The following KDELR2 variants were observed in gnomAD, a reference collection of about 807,000 sequenced individuals.
The protein encoded by KDELR2 is ER lumen protein-retaining receptor 2.
KDELR2 carries 15 observed loss-of-function variants against 23.9 expected under a neutral mutation model. That is an observed-to-expected ratio of 0.63 (90% CI 0.42 to 0.97). KDELR2 has a LOEUF of 0.97. Among genes scored for constraint, KDELR2 ranks in the 50% least tolerant of loss-of-function variants. The pLI is 0.00. For missense variants in KDELR2, 272 were observed against 254.6 expected, an observed-to-expected ratio of 1.07 and a Z score of -0.46; for synonymous variants, 119 against 106.2, an observed-to-expected ratio of 1.12 and a Z score of -0.74.
At position 6,483,992 on chromosome 7, in the gene KDELR2, C is replaced by A. The variant is rs758612232; in HGVS notation, c.66G>T (p.Lys22Asn). 3.7e-5 allele frequency: 56 copies of A among 1,531,982 alleles called. No individual in the cohort carries two copies. The highest frequency in any genetic ancestry group is 3.9e-5 in the Non-Finnish European group (44 of 1,137,428). 94.9% of individuals were successfully genotyped at this position (1,531,982 alleles called of 1,614,324 possible). The stretch of plus-strand genomic sequence containing the variant: ...CGGCGCAGGAGCGCGTCTTCCAGAT[C>A]TTCAGCAGCAGGATGACGATGGCCG... ...HLAAIVILLL[K>N]IWKTRSCAGI... The change falls in exon 1 of 5, where the codon AAG becomes AAT. Residue 22 changes from lysine (K) to asparagine (N), a missense_variant. Transcript: ENST00000258739.
Position 6,477,167 on chromosome 7 carries a change from G to A in KDELR2, c.92-2883C>T, listed in dbSNP as rs114385476. Among the ~76,000 whole-genome samples the A allele has an allele frequency of 1.0e-3, 154 of 152,338 alleles. 1 individual carries two copies. The highest frequency in any genetic ancestry group is 3.6e-3 in the African/African-American group (151 of 41,574). ...TAGCTAGAGGGTGAGAGAGCCCCAGGTGCGCACAGGGCAGTGTGTGGTTTG... is the reference window on the plus strand; with the variant it reads ...TAGCTAGAGGGTGAGAGAGCCCCAGATGCGCACAGGGCAGTGTGTGGTTTG... On this transcript the variant is annotated intron_variant, in intron 1 of 4. Coordinates refer to ENST00000258739, the MANE Select transcript of KDELR2 (RefSeq NM_006854.4).
chr7:6,471,533 C>T (rs11766121), intron 2 of KDELR2, among the ~76,000 whole-genome samples: 134,107 of 152,094 alleles, frequency 0.88, 59,593 homozygotes, highest in Non-Finnish European at 0.92. Context: ...CGGAAATATG[C>T]TGTAGGAACT....
chr7:6,473,786 G>C (rs1252522567), intron 2 of KDELR2, among the ~76,000 whole-genome samples: 1 of 152,176 alleles, frequency 6.6e-6, no homozygotes, highest in Non-Finnish European at 1.5e-5. Context: ...CTGCAACTAG[G>C]AGTCCTGCTT....
rs534728547 is a variant in KDELR2 at position 6,479,817 on chromosome 7, A to C, written c.91+4150T>G. Among the ~76,000 whole-genome samples the C allele has an allele frequency of 5.2e-4, 79 of 152,316 alleles. No homozygotes were observed. The South Asian group carries it at 0.016, about 30-fold the overall frequency. On this transcript the variant is annotated intron_variant, in intron 1 of 4. Coordinates refer to ENST00000258739, the MANE Select transcript of KDELR2 (RefSeq NM_006854.4). ...TAATAGCTACAAGCTGCTGCTCTGA[A>C]TTGTGTGCCAGTGCCTTGCACATAG... is the stretch of plus-strand genomic sequence containing the variant.
intron 1 of KDELR2, among the ~76,000 whole-genome samples, chr7:6,483,667 C>T (rs12113832): frequency 9.2e-5 from 14 of 152,228 alleles, no homozygotes; most frequent in Non-Finnish European, 1.6e-4. Flanking sequence ...TCGGACCCCC[C>T]GTCCCACGCC....
rs1308183066 is a variant in KDELR2 at position 6,466,080 on chromosome 7, T to A, written c.595A>T (p.Ile199Phe). 3 of 1,613,888 alleles carry A rather than the reference T, an allele frequency of 1.9e-6. No homozygotes were observed. Among genetic ancestry groups the A allele is most frequent in the Non-Finnish European group, 2.5e-6 (3 of 1,179,996 alleles). ...ILYCDFFYLY[I>F]TKVLKGKKLS... ...GTCGCACCCAACATACCTTTTGTAA[T>A]GTACAAGTAGAAGAAGTCACAGTAT... The change falls in exon 4 of 5, where the codon ATT becomes TTT. Residue 199 changes from isoleucine to phenylalanine, a missense_variant. By Grantham distance (21) the Ile-to-Phe change is conservative (BLOSUM62 0). Transcript: ENST00000258739.
intron 3 of KDELR2, among the ~76,000 whole-genome samples, chr7:6,468,770 C>T (rs1265130017): frequency 2.0e-5 from 3 of 152,264 alleles, no homozygotes; most frequent in African/African-American, 4.8e-5. Flanking sequence ...TCCCAAAGTG[C>T]TGGGATTACA....
chr7:6,478,608 T>C (rs1281159738), intron 1 of KDELR2, among the ~76,000 whole-genome samples: 1 of 152,158 alleles, frequency 6.6e-6, no homozygotes, highest in South Asian at 2.1e-4. Flanking sequence ...TTAGGTATAT[T>C]ACAGATTATT....
intron 4 of KDELR2, among the ~76,000 whole-genome samples, chr7:6,465,181 CTTTTTTT>C (rs1211865175): frequency 1.5e-5 from 2 of 134,170 alleles, no homozygotes; most frequent in Non-Finnish European, 3.2e-5. Context: ...GCGTAAATAT[CTTTTTTT>C]TTTTTTTTTT....
At chr7:6,482,619 G>C (rs1462784494) in intron 1 of KDELR2, 1 of 467,466 alleles carries the variant, frequency 2.1e-6, no homozygotes, top group African/African-American at 2.0e-5. Flanking sequence ...AGATGTAAGT[G>C]TGACTTTAGA....
chr7:6,484,131 G>A lies in KDELR2; in HGVS notation c.-74C>T, dbSNP rs534409280. 30 of 1,160,294 alleles carry A rather than the reference G, an allele frequency of 2.6e-5. No homozygotes were observed. The East Asian group carries it at 2.8e-4, about 11-fold the overall frequency. The allele number at this position is 1,160,294 out of a possible 1,614,324, so 71.9% of individuals were successfully genotyped here. ...GGCGGCTCAGGAGGCGGCGGCCCCT[G>A]AGAGGAAGCGGCGAAGATGGCGAGA... On this transcript the variant is annotated 5_prime_UTR_variant, in exon 1 of 5. Transcript: ENST00000258739.
rs1398395888 is a variant in KDELR2 at position 6,461,096 on chromosome 7, C to T, written c.*2045G>A. 3 of 152,140 alleles carry T rather than the reference C, an allele frequency of 2.0e-5. No homozygotes were observed. The highest frequency in any genetic ancestry group is 7.2e-5 in the African/African-American group (3 of 41,426). 9.4% of individuals were successfully genotyped at this position (152,140 alleles called of 1,614,324 possible). The stretch of plus-strand genomic sequence containing the variant: ...AACACCTCAATAAAAATATTAATTA[C>T]CTGGTAACCTTTATTCGGGAAGTGA... On this transcript the variant is annotated 3_prime_UTR_variant, in exon 5 of 5. Transcript: ENST00000258739.
intron 3 of KDELR2, among the ~76,000 whole-genome samples, chr7:6,467,169 G>A (rs1785520118): frequency 6.6e-6 from 1 of 152,176 alleles, no homozygotes; most frequent in African/African-American, 2.4e-5. Context: ...GGTTTCTCCT[G>A]GACAAGCTTG....
intron 2 of KDELR2, among the ~76,000 whole-genome samples, chr7:6,473,452 G>C (rs1785693985): frequency 6.6e-6 from 1 of 152,158 alleles, no homozygotes; most frequent in African/African-American, 2.4e-5. Context: ...ACTTCCCCCA[G>C]TGTGGGGTGT....
chr7:6,469,145 G>T (rs909909704), intron 3 of KDELR2, among the ~76,000 whole-genome samples: 31 of 151,100 alleles, frequency 2.1e-4, no homozygotes, highest in Non-Finnish European at 4.0e-4. Flanking sequence ...GTACAGACGG[G>T]GTTTCACCAT....
intron 1 of KDELR2, among the ~76,000 whole-genome samples, chr7:6,479,472 T>G (rs1785837776): frequency 6.6e-6 from 1 of 151,412 alleles, no homozygotes; most frequent in Non-Finnish European, 1.5e-5. Context: ...AAAACTTTTT[T>G]TTTGTTTGTT....
intron 1 of KDELR2, among the ~76,000 whole-genome samples, chr7:6,481,055 C>A (rs1191688900): frequency 6.6e-6 from 1 of 152,128 alleles, no homozygotes; most frequent in Non-Finnish European, 1.5e-5. Flanking sequence ...TCCTGAATCT[C>A]TCAAATGAAA....
At chr7:6,469,375 C>T (rs1190924480) in intron 3 of KDELR2, among the ~76,000 whole-genome samples, 1 of 152,186 alleles carries the variant, frequency 6.6e-6, no homozygotes, top group East Asian at 1.9e-4. Context: ...CCTGCCTCAG[C>T]CTTCTGAGTA....
chr7:6,479,380 C>T (rs1785834904), intron 1 of KDELR2, among the ~76,000 whole-genome samples: 1 of 152,002 alleles, frequency 6.6e-6, no homozygotes. Flanking sequence ...GTTTTGAACT[C>T]CTGTGCTCAA....
Sources: allele counts gnomAD v4.1 joint callset (sites outside exome capture counted in the v4.1 genomes callset), GRCh38; gene constraint gnomAD v4.1.1; transcripts MANE v1.5; gene names NCBI Gene and HGNC (gene_info 2026-07-23, HGNC 2026-07-21).